TGM5: variants seen among roughly 807,000 people sequenced by gnomAD.
The protein encoded by TGM5 is transglutaminase 5.
TGM5 carries 69 observed loss-of-function variants against 77.2 expected under a neutral mutation model. The observed-to-expected ratio is 0.89, with a 90% confidence interval of 0.74 to 1.09. The LOEUF (loss-of-function observed/expected upper bound fraction) is 1.09. Among genes scored for constraint, TGM5 ranks in the 50% least tolerant of loss-of-function variants. The pLI, the probability that TGM5 is intolerant of heterozygous loss-of-function variation, is 0.00. For synonymous variants in TGM5, 346 were observed against 351.8 expected (o/e 0.98, Z 0.18); for missense variants, 842 against 896.5 (o/e 0.94, Z 0.78).
chr15:43,264,700 C>T (rs1039833041), intron 1 of TGM5, among the ~76,000 whole-genome samples: 1 of 152,088 alleles, frequency 6.6e-6, no homozygotes, highest in Admixed American at 6.6e-5. Context: ...TGGCGATACT[C>T]GCAAAATTTT....
intron 12 of TGM5, 63 bp downstream of exon 12, chr15:43,233,490 AG>A: frequency 2.5e-6 from 4 of 1,613,600 alleles, no homozygotes; most frequent in Non-Finnish European, 3.4e-6. Context: ...ACCCATGTTC[AG>A]GAAGGATAGT....
chr15:43,251,777 T>A (rs1035894203), intron 6 of TGM5, among the ~76,000 whole-genome samples: 4 of 152,156 alleles, frequency 2.6e-5, no homozygotes, highest in Non-Finnish European at 5.9e-5. Context: ...CCCCTCATGA[T>A]TTCCTCCTCA....
chr15:43,261,083 T>TTTTTTTTTTTTG (rs2042785144), intron 1 of TGM5, among the ~76,000 whole-genome samples: 5 of 68,306 alleles, frequency 7.3e-5, no homozygotes, highest in African/African-American at 3.1e-4. Flanking sequence ...TGTGTTTTTT[T>TTTTTTTTTTTTG]TTTTTTTTTT....
Position 43,256,561 on chromosome 15 carries a change from G to C in TGM5, c.555+7C>G, listed in dbSNP as rs752437548. On this transcript the variant is annotated splice_region_variant and intron_variant, in intron 4 of 12. Transcript: ENST00000220420. ...CGGGATGGGCCATAAGCAGGGCTGA[G>C]ACTCACCTGTCCATAGTTCCAGGGA... 16 of 1,609,908 alleles carry C rather than the reference G, an allele frequency of 9.9e-6. No individual in the cohort carries two copies. The highest frequency in any genetic ancestry group is 1.2e-5 in the Non-Finnish European group (14 of 1,176,194).
At chr15:43,256,538 G>A (rs1219353825) in intron 4 of TGM5, 30 bp downstream of exon 4, 1 of 1,560,620 alleles carries the variant, frequency 6.4e-7, no homozygotes, top group Non-Finnish European at 8.8e-7. Context: ...CTCGGGGCCG[G>A]GATGGGCCAT....
chr15:43,264,433 G>T (rs1450389890), intron 1 of TGM5, among the ~76,000 whole-genome samples: 1 of 151,756 alleles, frequency 6.6e-6, no homozygotes, highest in African/African-American at 2.4e-5. Context: ...ATATCATCCA[G>T]CTATAAAAAA....
chr15:43,234,726 G>A (rs1323123965), intron 11 of TGM5, 43 bp downstream of exon 11: 11 of 1,613,292 alleles, frequency 6.8e-6, no homozygotes, highest in Non-Finnish European at 6.8e-6. Context: ...CTCCCCGCCA[G>A]ATCCAAGGAG....
At chr15:43,255,159 C>T (rs2042734425) in intron 4 of TGM5, among the ~76,000 whole-genome samples, 1 of 151,888 alleles carries the variant, frequency 6.6e-6, no homozygotes, top group Non-Finnish European at 1.5e-5. Context: ...TATAGTGAGA[C>T]CTCGTCTCTG....
intron 6 of TGM5, 23 bp downstream of exon 6, chr15:43,252,736 G>C (rs1360525661): frequency 6.2e-7 from 1 of 1,612,536 alleles, no homozygotes; most frequent in African/African-American, 1.3e-5. Flanking sequence ...TGACCTTTTT[G>C]TGGGGTCCTT....
chr15:43,259,959 GC>G, intron 3 of TGM5, 92 bp downstream of exon 3: 1 of 1,584,766 alleles, frequency 6.3e-7, no homozygotes, highest in South Asian at 1.1e-5. Context: ...GCTCTGGGTG[GC>G]CCGGGAGCGG....
intron 4 of TGM5, among the ~76,000 whole-genome samples, chr15:43,254,635 A>G (rs745366234): frequency 6.6e-6 from 1 of 152,138 alleles, no homozygotes; most frequent in Non-Finnish European, 1.5e-5. Context: ...TCAAGTATCA[A>G]TAATTGCCCT....
At chr15:43,239,540 C>A in intron 7 of TGM5, 2 of 488,970 alleles carry the variant, frequency 4.1e-6, no homozygotes, top group Non-Finnish European at 7.5e-6. Flanking sequence ...ATTAACTAGG[C>A]ATCATGGCAC....
intron 1 of TGM5, chr15:43,260,833 C>T (rs2042780801): frequency 3.5e-6 from 2 of 566,576 alleles, no homozygotes; most frequent in Admixed American, 5.5e-5. Flanking sequence ...TTCTCCCTTA[C>T]ACCCTCCTGG....
In TGM5 at chr15:43,253,583, G is replaced by A. The variant is rs777982827; in HGVS notation, c.607C>T (p.His203Tyr). 8.7e-6 allele frequency: 14 copies of A among 1,613,728 alleles called. No homozygotes were observed. Among genetic ancestry groups the A allele is most frequent in the Non-Finnish European group, 1.0e-5 (12 of 1,180,046 alleles). Reference sequence around the variant, plus strand: ...TCTGTGGCTGGGTCAGTCTGGAAGTGCAGGCTCTTGTCTAGCAGCTTCAGG... The same window carrying A: ...TCTGTGGCTGGGTCAGTCTGGAAGTACAGGCTCTTGTCTAGCAGCTTCAGG... The part of the protein sequence containing the change: ...ICLKLLDKSL[H>Y]FQTDPATDCA... Residue 203 changes from histidine to tyrosine, a missense_variant, in exon 5 of 13, where the codon CAC becomes TAC. His to Tyr is a moderately conservative substitution (Grantham distance 83). Around this residue, in one of 2 missense-constraint regions of TGM5, gnomAD observed 815 missense variants for 844.6 expected, o/e 0.96. Coordinates refer to ENST00000220420, the MANE Select transcript of TGM5 (RefSeq NM_201631.4).
chr15:43,233,568 T>A lies in TGM5; in HGVS notation c.1995A>T (p.Lys665Asn), dbSNP rs955725826. The A allele has an allele frequency of 1.2e-5, 20 of 1,614,150 alleles. No homozygotes were observed. The highest frequency in any genetic ancestry group is 2.2e-5 in the East Asian group (1 of 44,886). Residue 665 changes from lysine to asparagine, a missense_variant, in exon 12 of 13, where the codon AAA becomes AAT. Coordinates refer to ENST00000220420, the MANE Select transcript of TGM5 (RefSeq NM_201631.4). Reference sequence around the variant, plus strand: ...GCAGCACTTACAAGACTTTCTGCTGTTTCTTGAAGAGGCCACTTCCTTCCA... The same window carrying A: ...GCAGCACTTACAAGACTTTCTGCTGATTCTTGAAGAGGCCACTTCCTTCCA... ...LTVEGSGLFK[K>N]QQKVFLGVLK...
chr15:43,246,566 T>C (rs2142366998), intron 6 of TGM5, among the ~76,000 whole-genome samples: 1 of 152,308 alleles, frequency 6.6e-6, no homozygotes, highest in East Asian at 1.9e-4. Flanking sequence ...TAGAGCAGCA[T>C]CCAGGCCACA....
chr15:43,261,076 GT>G (rs1555384178), intron 1 of TGM5, among the ~76,000 whole-genome samples: 96 of 56,862 alleles, frequency 1.7e-3, no homozygotes, highest in Non-Finnish European at 2.5e-3. Context: ...TTGTGTGTGT[GT>G]TTTTTTTTTT....
chr15:43,262,214 C>T (rs2042794686), intron 1 of TGM5, among the ~76,000 whole-genome samples: 1 of 152,200 alleles, frequency 6.6e-6, no homozygotes, highest in Admixed American at 6.5e-5. Context: ...ATACACTTAC[C>T]TGAATCGCTC....
At chr15:43,239,506 A>C (rs1443729134) in intron 7 of TGM5, 6 of 551,552 alleles carry the variant, frequency 1.1e-5, no homozygotes, top group Admixed American at 6.2e-5. Context: ...AAAAAGGAAG[A>C]TCTCGTCTCA....
Sources: allele counts gnomAD v4.1 joint callset (sites outside exome capture counted in the v4.1 genomes callset), GRCh38; gene constraint gnomAD v4.1.1; regional missense constraint gnomAD v4.1.1; transcripts MANE v1.5; gene names NCBI Gene and HGNC (gene_info 2026-07-23, HGNC 2026-07-21).